BICD2: variants seen among roughly 807,000 people sequenced by gnomAD.
BICD2 encodes the protein BICD cargo adaptor 2.
In BICD2, 25 loss-of-function variants were observed where a neutral mutation model predicts 72.9. The observed-to-expected ratio is 0.34, with a 90% CI of 0.25 to 0.48. The LOEUF is 0.48. BICD2 is among the 20% of genes least tolerant of loss of function. The pLI is 0.99. For synonymous variants in BICD2, 501 were observed against 516.1 expected, an observed-to-expected ratio of 0.97 and a Z score of 0.40; for missense variants, 894 against 1,175.2, an observed-to-expected ratio of 0.76 and a Z score of 3.50.
chr9:92,724,689 C>CG (rs1853530746), intron 2 of BICD2, among the ~76,000 whole-genome samples: 2 of 152,142 alleles, frequency 1.3e-5, no homozygotes, highest in Admixed American at 6.5e-5. Flanking sequence ...AGTGGCTACA[C>CG]GGGGGGTGGA....
Position 92,764,794 on chromosome 9 carries a change from C to T in BICD2, c.-50G>A. 7.6e-7 allele frequency: 1 copy of T among 1,309,778 alleles called. No homozygotes were observed. The highest frequency in any genetic ancestry group is 3.3e-5 in the East Asian group (1 of 30,288). The allele number at this position is 1,309,778 out of a possible 1,614,324, so 81.1% of individuals were successfully genotyped here. On this transcript the variant is annotated 5_prime_UTR_variant, in exon 1 of 7. Transcript: ENST00000356884. This position sits in a 1 kb window ranked among gnomAD's most constrained non-coding sequence, Gnocchi z 5.5. Reference sequence around the variant, plus strand: ...CCACTGAGGCTCTCGCAGGCCGGGCCCTCCTCAGCCGCCGCCGCTGCCGCC... The same window carrying T: ...CCACTGAGGCTCTCGCAGGCCGGGCTCTCCTCAGCCGCCGCCGCTGCCGCC...
chr9:92,720,217 CAG>C lies in BICD2; in HGVS notation c.1062+81_1062+82del, dbSNP rs148644558. The C allele has an allele frequency of 0.023, 30,422 of 1,313,522 alleles. 857 individuals carry two copies. The highest frequency in any genetic ancestry group is 0.13 in the East Asian group (5,667 of 42,292). The allele number at this position is 1,313,522 out of a possible 1,614,324, so 81.4% of individuals were successfully genotyped here. A position where few individuals can be genotyped will look rare whatever the true frequency, so the allele number is the denominator to read the frequency against. On this transcript the variant is annotated intron_variant, in intron 4 of 6. Coordinates refer to ENST00000356884, the MANE Select transcript of BICD2 (RefSeq NM_001003800.2). The surrounding 1 kb of genome is among the most constrained non-coding windows in gnomAD (Gnocchi z 5.4). ...AAGGAAAAGGGAAAGTTAACATCAG[CAG>C]AGTGTCAGGTAAGCACTGCTCGGGG...
intron 2 of BICD2, among the ~76,000 whole-genome samples, chr9:92,727,894 T>A (rs1853599218): frequency 6.6e-6 from 1 of 152,140 alleles, no homozygotes; most frequent in Non-Finnish European, 1.5e-5. Context: ...AGGCACGGGG[T>A]ACTGCTCTCC....
rs764409038 is a variant in BICD2 at position 92,719,147 on chromosome 9, C to T, written c.1498G>A (p.Ala500Thr). 1 of 1,611,984 alleles carries T rather than the reference C, an allele frequency of 6.2e-7. No homozygotes were observed. Among genetic ancestry groups the T allele is most frequent in the Non-Finnish European group, 8.5e-7 (1 of 1,179,984 alleles). ...KASRQDRELL[A>T]RLEKELKKVS... ...TTCTTTAGCTCCTTCTCCAGCCGGG[C>T]CAGCAGCTCGCGGTCCTGGCGGCTG... Residue 500 changes from alanine to threonine, a missense_variant, in exon 5 of 7, where the codon GCC (alanine) becomes ACC (threonine). Coordinates refer to ENST00000356884, the MANE Select transcript of BICD2 (RefSeq NM_001003800.2).
intron 1 of BICD2, among the ~76,000 whole-genome samples, chr9:92,760,441 T>C (rs1331120083): frequency 1.3e-5 from 2 of 152,082 alleles, no homozygotes; most frequent in East Asian, 1.9e-4. Context: ...CCCAGGATGA[T>C]TGAGATACAC....
At position 92,720,997 on chromosome 9, in the gene BICD2, C is replaced by T. The variant is rs1853453622; in HGVS notation, c.607-242G>A. On this transcript the variant is annotated intron_variant, in intron 3 of 6. Transcript: ENST00000356884. This position sits in a 1 kb window ranked among gnomAD's most constrained non-coding sequence, Gnocchi z 5.4. ...TGAGATGCGAATGCAATGAAATGCT[C>T]AGCCCAGCCCACCCACCGCTGGGAC... is the stretch of plus-strand genomic sequence containing the variant. 6.6e-6 allele frequency among the ~76,000 whole-genome samples: 1 copy of T among 152,158 alleles called. No individual in the cohort carries two copies. The highest frequency in any genetic ancestry group is 2.4e-5 in the African/African-American group (1 of 41,430).
chr9:92,719,755 G>A (rs1449145702), intron 4 of BICD2, among the ~76,000 whole-genome samples, 173 bp from the exon 5 acceptor site: 4 of 152,202 alleles, frequency 2.6e-5, no homozygotes, highest in Non-Finnish European at 5.9e-5. Flanking sequence ...GGTGTGGAAA[G>A]AATGGAATTC....
At chr9:92,725,273 C>T (rs904862251) in intron 2 of BICD2, among the ~76,000 whole-genome samples, 1 of 152,222 alleles carries the variant, frequency 6.6e-6, no homozygotes, top group African/African-American at 2.4e-5. Context: ...TGCACCACTG[C>T]CAAACCCAGA....
At chr9:92,763,149 A>G (rs957997219) in intron 1 of BICD2, among the ~76,000 whole-genome samples, 1 of 152,190 alleles carries the variant, frequency 6.6e-6, no homozygotes, top group Non-Finnish European at 1.5e-5. Flanking sequence ...GCCCAGGGTC[A>G]GCCATTGACT....
rs138065618 is a variant in BICD2, at chr9:92,763,729, G to T, written c.240+776C>A. 9.0e-3 allele frequency among the ~76,000 whole-genome samples: 1,372 copies of T among 152,276 alleles called. 23 individuals are homozygous for T. Among genetic ancestry groups the T allele is most frequent in the African/African-American group, 0.032 (1,323 of 41,556 alleles). On this transcript the variant is annotated intron_variant, in intron 1 of 6. Transcript: ENST00000356884. ...CTCTCCCCCCAGTGGGAATGACACA[G>T]ACCACTGAGGTCTCCGTCCAAGAGG...
At chr9:92,726,385 G>C (rs1853568194) in intron 2 of BICD2, among the ~76,000 whole-genome samples, 1 of 152,156 alleles carries the variant, frequency 6.6e-6, no homozygotes. Context: ...TAGCAGGGTG[G>C]TGGGTCAAAG....
intron 1 of BICD2, among the ~76,000 whole-genome samples, chr9:92,762,620 A>G (rs1308279509): frequency 2.6e-5 from 4 of 152,208 alleles, no homozygotes; most frequent in Non-Finnish European, 4.4e-5. Context: ...CCCTCCAGAT[A>G]CATGCCACGA....
chr9:92,714,531 G>A lies in BICD2; in HGVS notation c.*623C>T, dbSNP rs949753037. The stretch of plus-strand genomic sequence containing the variant: ...GGTCAGCTGTGTCTGTGCCATGTGT[G>A]TCTGGCCAGCAGAATACAGGGGCTC... On this transcript the variant is annotated 3_prime_UTR_variant, in exon 7 of 7. Coordinates refer to ENST00000356884, the MANE Select transcript of BICD2 (RefSeq NM_001003800.2). 8.1e-6 allele frequency: 8 copies of A among 985,420 alleles called. No individual in the cohort carries two copies. Among genetic ancestry groups the A allele is most frequent in the Non-Finnish European group, 9.6e-6 (8 of 829,980 alleles). 61.0% of individuals were successfully genotyped at this position (985,420 alleles called of 1,614,324 possible).
At chr9:92,719,739 A>G (rs1853420050) in intron 4 of BICD2, among the ~76,000 whole-genome samples, 157 bp from the exon 5 acceptor site, 2 of 152,174 alleles carry the variant, frequency 1.3e-5, no homozygotes, top group Non-Finnish European at 2.9e-5. Context: ...GGACAAAGAC[A>G]CACAGGGTGT....
intron 1 of BICD2, among the ~76,000 whole-genome samples, chr9:92,752,644 C>T (rs907081016): frequency 9.9e-5 from 15 of 152,214 alleles, no homozygotes; most frequent in African/African-American, 3.6e-4. Context: ...GTGGCACATG[C>T]TACTGGGGAG....
In BICD2 at chr9:92,743,339, C is replaced by T. The variant is rs150165779; in HGVS notation, c.241-14103G>A. 8.8e-3 allele frequency among the ~76,000 whole-genome samples: 1,318 copies of T among 149,090 alleles called. 24 individuals are homozygous for T. The highest frequency in any genetic ancestry group is 0.031 in the African/African-American group (1,269 of 40,742). ...TCCTGAGTGGCTGGGACTACAGGCACGTGCCACCATGCCAGCTTTTTTTTT... is the reference window on the plus strand; with the variant it reads ...TCCTGAGTGGCTGGGACTACAGGCATGTGCCACCATGCCAGCTTTTTTTTT... On this transcript the variant is annotated intron_variant, in intron 1 of 6. Transcript: ENST00000356884.
In BICD2 at chr9:92,717,898, C is replaced by T. The variant is rs1190924639; in HGVS notation, c.2157G>A (p.Lys719=). 6.2e-7 allele frequency: 1 copy of T among 1,613,620 alleles called. No individual in the cohort carries two copies. The highest frequency in any genetic ancestry group is 1.1e-5 in the South Asian group (1 of 91,052). Residue 719 remains lysine, a synonymous_variant, in exon 6 of 7, where the codon AAG becomes AAA. Transcript: ENST00000356884. Reference sequence around the variant, plus strand: ...TCATCATGGTCTCGGTAACCATGGCCTTCTCATTCTCATACTTGCTCTTCA... The same window carrying T: ...TCATCATGGTCTCGGTAACCATGGCTTTCTCATTCTCATACTTGCTCTTCA... The part of the protein sequence containing the change: ...ANLKSKYENE[K]AMVTETMMKL...
At chr9:92,730,832 G>A (rs1853666060) in intron 1 of BICD2, among the ~76,000 whole-genome samples, 1 of 152,214 alleles carries the variant, frequency 6.6e-6, no homozygotes, top group South Asian at 2.1e-4. Context: ...CACTCCTGAG[G>A]AGGCTGGGTC....
intron 2 of BICD2, among the ~76,000 whole-genome samples, chr9:92,725,467 T>C (rs1853549576): frequency 6.6e-6 from 1 of 152,246 alleles, no homozygotes. Context: ...ACACGGCCAA[T>C]TGCCAAGGGC....
Sources: gnomAD v4.1 joint callset for allele counts (sites outside exome capture counted in the v4.1 genomes callset) on GRCh38, gnomAD v4.1.1 for gene constraint, Gnocchi (gnomAD v3.1) non-coding constraint, MANE v1.5 for transcripts, NCBI Gene and HGNC (gene_info 2026-07-23, HGNC 2026-07-21) for gene names.